Variants in KANK1 observed in about 807,000 individuals in gnomAD.
KANK1 encodes KN motif and ankyrin repeat domain-containing protein 1.
Under a neutral mutation model 106.2 loss-of-function variants are expected in KANK1, and 109 were observed. The ratio of observed to expected loss-of-function variants is 1.03; its 90% CI spans 0.88 to 1.20. KANK1 has a LOEUF of 1.20. Ranked by LOEUF, KANK1 falls within the 50% of genes most tolerant of loss-of-function variation. The pLI is 0.00. For missense variants in KANK1, 2,399 were observed against 1,710.7 expected (o/e 1.40, Z -7.10); for synonymous variants, 873 against 652.2 (o/e 1.34, Z -5.16).
intron 1 of KANK1, among the ~76,000 whole-genome samples, chr9:652,435 A>G (rs1841109840): frequency 6.6e-6 from 1 of 152,318 alleles, no homozygotes; most frequent in Non-Finnish European, 1.5e-5. Context: ...AGGCAAGAGA[A>G]TCACTTGAAT....
chr9:711,492 C>G lies in KANK1; in HGVS notation c.726C>G (p.Ser242Arg). The stretch of plus-strand genomic sequence containing the variant: ...CCATGGGGAGCTCCATCCGCCACAG[C>G]CCCCTGAGCTCAGGGATCTCCACCC... ...TSSMGSSIRH[S>R]PLSSGISTPV... Residue 242 changes from serine (S) to arginine (R), a missense_variant, in exon 3 of 12, where the codon AGC becomes AGG. Ser to Arg is a moderately radical substitution (Grantham distance 110). Transcript: ENST00000382297. 6.2e-7 allele frequency: 1 copy of G among 1,614,118 alleles called. No individual in the cohort carries two copies. Among genetic ancestry groups the G allele is most frequent in the Non-Finnish European group, 8.5e-7 (1 of 1,180,012 alleles).
chr9:504,657 C>G (rs1477243673), upstream of KANK1: 1 of 151,472 alleles, frequency 6.6e-6, no homozygotes. Context: ...CGCTTGCCAG[C>G]CGGGGCCGAC....
intron 9 of KANK1, 47 bp downstream of exon 9, chr9:740,981 A>T: frequency 6.9e-6 from 11 of 1,605,778 alleles, no homozygotes; most frequent in Non-Finnish European, 9.4e-6. Context: ...CGTAACCAGC[A>T]GACAGGACTG....
At chr9:559,912 G>A (rs761781964) in intron 1 of KANK1, among the ~76,000 whole-genome samples, 2 of 152,102 alleles carry the variant, frequency 1.3e-5, no homozygotes, top group African/African-American at 2.4e-5. Context: ...CCTGTTTCTG[G>A]AACTTTCTTA....
At chr9:490,373 A>G (rs56851597) in intron 3 of KANK1, among the ~76,000 whole-genome samples, 2,917 of 152,300 alleles carry the variant, frequency 0.019, 110 homozygotes, top group African/African-American at 0.065. Context: ...AGCCAGGCAC[A>G]GTGGTGCACA....
intron 1 of KANK1, among the ~76,000 whole-genome samples, chr9:665,698 A>G (rs189423122): frequency 1.3e-5 from 2 of 152,268 alleles, no homozygotes; most frequent in East Asian, 3.9e-4. Flanking sequence ...TATGGGGAAT[A>G]TTGTTGGTAT....
chr9:704,354 T>A (rs763261959), intron 2 of KANK1, among the ~76,000 whole-genome samples: 1 of 152,214 alleles, frequency 6.6e-6, no homozygotes, highest in African/African-American at 2.4e-5. Flanking sequence ...CCCCTAGATA[T>A]GAACTCATGT....
chr9:742,644 C>T lies in KANK1; in HGVS notation c.3897+239C>T, dbSNP rs546219741. On this transcript the variant is annotated intron_variant, in intron 10 of 11. Coordinates refer to ENST00000382297, the MANE Select transcript of KANK1 (RefSeq NM_015158.5). Reference sequence around the variant, plus strand: ...ATAAATAGGCCCTACCCCAAAAATTCATGAAATGAAAAAGTGATTTAACGG... The same window carrying T: ...ATAAATAGGCCCTACCCCAAAAATTTATGAAATGAAAAAGTGATTTAACGG... Among the ~76,000 whole-genome samples the T allele has an allele frequency of 2.0e-5, 3 of 152,290 alleles. No individual in the cohort carries two copies. In the South Asian group the frequency reaches 6.2e-4, roughly 32 times the overall value.
rs10975049 is a variant in KANK1 at position 540,989 on chromosome 9, C to G, written c.-84+36235C>G. 8.5e-5 allele frequency among the ~76,000 whole-genome samples: 13 copies of G among 152,092 alleles called. No homozygotes were observed. In the East Asian group the frequency reaches 2.3e-3, roughly 27 times the overall value. On this transcript the variant is annotated intron_variant, in intron 1 of 11. Coordinates refer to ENST00000382297, the MANE Select transcript of KANK1 (RefSeq NM_015158.5). ...TTCCTTCTGCTGACTTTGGGCTGTT[C>G]CTTTTCTAATTCCTTGAGGTGTAAA...
chr9:521,789 A>C (rs1474274925), intron 1 of KANK1, among the ~76,000 whole-genome samples: 2 of 151,476 alleles, frequency 1.3e-5, no homozygotes, highest in East Asian at 3.9e-4. Flanking sequence ...GCTGGTCTCG[A>C]ACTCCTGACC....
At chr9:721,448 C>T (rs1829317642) in intron 3 of KANK1, among the ~76,000 whole-genome samples, 3 of 152,294 alleles carry the variant, frequency 2.0e-5, no homozygotes, top group African/African-American at 4.8e-5. Context: ...CAAATACTTA[C>T]TCTTGCTGCA....
chr9:564,358 G>A (rs753604221), intron 1 of KANK1, among the ~76,000 whole-genome samples: 1 of 151,998 alleles, frequency 6.6e-6, no homozygotes, highest in Non-Finnish European at 1.5e-5. Flanking sequence ...CACCGTGCCC[G>A]GCCAGAATGC....
chr9:644,541 G>A (rs1839226882), intron 1 of KANK1, among the ~76,000 whole-genome samples: 1 of 150,770 alleles, frequency 6.6e-6, no homozygotes, highest in African/African-American at 2.5e-5. Context: ...GCCAGAGCAG[G>A]AGGAAGAGAG....
intron 1 of KANK1, among the ~76,000 whole-genome samples, chr9:508,164 GTTTC>G (rs2058859437): frequency 1.5e-5 from 1 of 65,080 alleles, no homozygotes; most frequent in Admixed American, 2.1e-4. Context: ...TTGAGATGGA[GTTTC>G]TTTCTTGTTG....
chr9:744,973 A>G (rs752320357), intron 11 of KANK1, 200 bp from the exon 12 acceptor site: 296 of 1,478,316 alleles, frequency 2.0e-4, no homozygotes, highest in Non-Finnish European at 2.5e-4. Flanking sequence ...GTGACTTCCC[A>G]GGACAGCCGG....
intron 1 of KANK1, among the ~76,000 whole-genome samples, chr9:505,722 G>C (rs912480943): frequency 6.6e-6 from 1 of 152,216 alleles, no homozygotes; most frequent in Non-Finnish European, 1.5e-5. Context: ...TGGCCTCTGC[G>C]GAGGGTCAGC....
intron 1 of KANK1, among the ~76,000 whole-genome samples, chr9:613,636 A>G (rs1052931607): frequency 5.9e-5 from 9 of 152,152 alleles, no homozygotes; most frequent in African/African-American, 2.2e-4. Context: ...GCTAATTCCT[A>G]AAAGGAATCC....
At chr9:701,262 C>T (rs959570223) in intron 2 of KANK1, among the ~76,000 whole-genome samples, 2 of 152,148 alleles carry the variant, frequency 1.3e-5, no homozygotes, top group South Asian at 2.1e-4. Flanking sequence ...TACAGGCATG[C>T]ACCACCATGC....
At chr9:685,642 A>G (rs1397639037) in intron 2 of KANK1, 1 of 152,194 alleles carries the variant, frequency 6.6e-6, no homozygotes, top group African/African-American at 2.4e-5. Flanking sequence ...TACTAGAGTA[A>G]CCATTTATGG....
Sources: allele counts gnomAD v4.1 joint callset (sites outside exome capture counted in the v4.1 genomes callset), GRCh38; gene constraint gnomAD v4.1.1; transcripts MANE v1.5; gene names NCBI Gene and HGNC (gene_info 2026-07-23, HGNC 2026-07-21).